Variants in ERBB4 observed in about 807,000 individuals in gnomAD.
ERBB4 encodes the protein receptor tyrosine-protein kinase erbB-4.
In ERBB4, 42 loss-of-function variants were observed where a neutral mutation model predicts 158.0. The ratio of observed to expected loss-of-function variants is 0.27; its 90% CI spans 0.21 to 0.34. The LOEUF (loss-of-function observed/expected upper bound fraction) is 0.34. Ranked by LOEUF, ERBB4 falls within the 10% of genes least tolerant of loss-of-function variation. The pLI, the probability that ERBB4 is intolerant of heterozygous loss-of-function variation, is 1.00. For missense variants in ERBB4, 1,333 were observed against 1,624.1 expected (o/e 0.82, Z 3.08); for synonymous variants, 583 against 558.7 (o/e 1.04, Z -0.61).
At chr2:212,177,456 C>A (rs1375362060) in intron 1 of ERBB4, among the ~76,000 whole-genome samples, 1 of 151,860 alleles carries the variant, frequency 6.6e-6, no homozygotes, top group Non-Finnish European at 1.5e-5. Flanking sequence ...ATAATCTGAA[C>A]TTTCAAAGTA....
intron 4 of ERBB4, among the ~76,000 whole-genome samples, chr2:211,756,502 G>A (rs746102397): frequency 6.6e-6 from 1 of 152,182 alleles, no homozygotes; most frequent in Non-Finnish European, 1.5e-5. Context: ...ACAGTTTGGA[G>A]TTTACTCTGT....
chr2:211,699,761 A>G (rs2073163155), intron 12 of ERBB4, among the ~76,000 whole-genome samples: 1 of 152,168 alleles, frequency 6.6e-6, no homozygotes, highest in Non-Finnish European at 1.5e-5. Context: ...CATAACACTG[A>G]AAGTTTAAAC....
chr2:212,003,207 C>CAGAAAGAAAGAA (rs1436360673), intron 2 of ERBB4, among the ~76,000 whole-genome samples: 1 of 39,926 alleles, frequency 2.5e-5, no homozygotes. Context: ...GAAAGAAAGA[C>CAGAAAGAAAGAA]AGAAAGAAGG....
intron 16 of ERBB4, among the ~76,000 whole-genome samples, chr2:211,633,375 T>G (rs1467121912): frequency 1.3e-5 from 2 of 151,818 alleles, no homozygotes; most frequent in East Asian, 1.9e-4. Context: ...TACAAATATA[T>G]CCTCAGATGC....
chr2:211,478,775 T>C (rs2065016183), intron 20 of ERBB4, among the ~76,000 whole-genome samples: 1 of 152,124 alleles, frequency 6.6e-6, no homozygotes, highest in East Asian at 1.9e-4. Context: ...TGATAAAACA[T>C]TATTATGTTA....
chr2:212,376,401 C>T (rs1005949751), intron 1 of ERBB4, among the ~76,000 whole-genome samples: 12 of 151,930 alleles, frequency 7.9e-5, no homozygotes, highest in South Asian at 2.1e-4. Context: ...CTTGACTTTC[C>T]GGAAGGCATT....
intron 19 of ERBB4, among the ~76,000 whole-genome samples, chr2:211,613,510 A>T (rs2069275784): frequency 6.6e-6 from 1 of 152,072 alleles, no homozygotes; most frequent in Non-Finnish European, 1.5e-5. Context: ...TTTGCAAACT[A>T]GCCATCTGAC....
chr2:212,269,852 C>T (rs776514009), intron 1 of ERBB4, among the ~76,000 whole-genome samples: 8 of 151,784 alleles, frequency 5.3e-5, no homozygotes, highest in East Asian at 1.9e-4. Context: ...CTGGTAGGTA[C>T]ACTCCTTTAT....
intron 4 of ERBB4, among the ~76,000 whole-genome samples, chr2:211,757,426 C>A (rs564089817): frequency 1.3e-5 from 2 of 152,238 alleles, no homozygotes; most frequent in Non-Finnish European, 2.9e-5. Flanking sequence ...ATATATTAGG[C>A]AATTACTGTA....
At chr2:211,496,560 A>C (rs996345710) in intron 20 of ERBB4, among the ~76,000 whole-genome samples, 7 of 151,848 alleles carry the variant, frequency 4.6e-5, no homozygotes, top group Non-Finnish European at 1.5e-5. Context: ...AATCCAAATG[A>C]TGACTACTTC....
chr2:211,705,609 A>G (rs1293301701), intron 9 of ERBB4, among the ~76,000 whole-genome samples: 1 of 152,234 alleles, frequency 6.6e-6, no homozygotes, highest in African/African-American at 2.4e-5. Flanking sequence ...ATCAAAGCCT[A>G]TTCCAGATCT....
chr2:212,195,147 T>G (rs1340561114), intron 1 of ERBB4, among the ~76,000 whole-genome samples: 1 of 152,040 alleles, frequency 6.6e-6, no homozygotes, highest in Non-Finnish European at 1.5e-5. Context: ...ATATAAAGTA[T>G]TATTTCATTG....
At chr2:211,812,717 G>A (rs552320066) in intron 3 of ERBB4, among the ~76,000 whole-genome samples, 7 of 152,254 alleles carry the variant, frequency 4.6e-5, no homozygotes, top group African/African-American at 1.7e-4. Flanking sequence ...TTCCCCAGTT[G>A]CTTTGTTGAC....
intron 3 of ERBB4, among the ~76,000 whole-genome samples, chr2:211,803,781 G>A (rs1429154561): frequency 6.6e-6 from 1 of 152,196 alleles, no homozygotes; most frequent in African/African-American, 2.4e-5. Context: ...TGATGAGCAA[G>A]CTCTTACTAC....
At chr2:211,555,573 T>G (rs1421517520) in intron 20 of ERBB4, among the ~76,000 whole-genome samples, 1 of 152,166 alleles carries the variant, frequency 6.6e-6, no homozygotes, top group Non-Finnish European at 1.5e-5. Context: ...AATGAAAATA[T>G]TTTACAAAAT....
chr2:211,523,782 G>C lies in ERBB4; in HGVS notation c.2487+38121C>G, dbSNP rs186973947. Among the ~76,000 whole-genome samples, 190 of 152,196 alleles carry C rather than the reference G, an allele frequency of 1.2e-3. 1 individual carries two copies. The highest frequency in any genetic ancestry group is 4.2e-3 in the African/African-American group (174 of 41,564). ...AGAGTGAAAGAACAAAGCTTCCACA[G>C]TGTGGAAGGGGACCCGAGCAGGTTG... On this transcript the variant is annotated intron_variant, in intron 20 of 27. Transcript: ENST00000342788.
chr2:212,529,333 T>C (rs1158604261), intron 1 of ERBB4, among the ~76,000 whole-genome samples: 2 of 152,208 alleles, frequency 1.3e-5, no homozygotes, highest in Admixed American at 1.3e-4. Flanking sequence ...ACATTCCACA[T>C]ATATTTAACT....
At chr2:212,526,263 T>A (rs1267376237) in intron 1 of ERBB4, among the ~76,000 whole-genome samples, 1 of 152,020 alleles carries the variant, frequency 6.6e-6, no homozygotes, top group East Asian at 1.9e-4. Context: ...TGCCATTCTA[T>A]TTGTCTTATC....
At chr2:211,523,499 T>A (rs1020303912) in intron 20 of ERBB4, among the ~76,000 whole-genome samples, 1 of 151,652 alleles carries the variant, frequency 6.6e-6, no homozygotes, top group Non-Finnish European at 1.5e-5. Flanking sequence ...TGGAGTTTGT[T>A]CCTTCTGATG....
Sources: allele counts gnomAD v4.1 joint callset (sites outside exome capture counted in the v4.1 genomes callset), GRCh38; gene constraint gnomAD v4.1.1; transcripts MANE v1.5; gene names NCBI Gene and HGNC (gene_info 2026-07-23, HGNC 2026-07-21).